LAMA4: variants seen among roughly 807,000 people sequenced by gnomAD.
LAMA4 encodes the protein laminin subunit alpha-4.
LAMA4 carries 127 observed loss-of-function variants against 207.1 expected under a neutral mutation model. That is an observed-to-expected ratio of 0.61 (90% CI 0.53 to 0.71). The LOEUF (loss-of-function observed/expected upper bound fraction) is 0.71, where lower values mean the gene tolerates loss of function less well. Among genes scored for constraint, LAMA4 ranks in the 30% least tolerant of loss-of-function variants. The probability of loss-of-function intolerance (pLI) is 0.00; values close to 1 mark genes in which losing one functional copy is unlikely to be tolerated. For synonymous variants in LAMA4, 761 were observed against 816.0 expected (o/e 0.93, Z 1.15); for missense variants, 2,093 against 2,246.5 (o/e 0.93, Z 1.38).
chr6:112,170,775 A>T (rs150682831), intron 12 of LAMA4, among the ~76,000 whole-genome samples: 1 of 152,348 alleles, frequency 6.6e-6, no homozygotes, highest in Non-Finnish European at 1.5e-5. Flanking sequence ...GCAGATGATC[A>T]CAATTCAGAA....
chr6:112,158,825 T>C lies in LAMA4; in HGVS notation c.1724A>G (p.Lys575Arg), dbSNP rs1780879775. Residue 575 changes from lysine (K) to arginine (R), a missense_variant, in exon 14 of 39, where the codon AAA becomes AGA. Lys to Arg is a conservative substitution (Grantham distance 26). Coordinates refer to ENST00000230538, the MANE Select transcript of LAMA4 (RefSeq NM_001105206.3). ...GCTGAGGTTACTTAGGTTAGATAGT[T>C]TTACTTGTAGTTCACTTTTGGCTCC... ...IDGAKSELQV[K>R]LSNLSNLSHD... 1 of 1,613,304 alleles carries C rather than the reference T, an allele frequency of 6.2e-7. No homozygotes were observed.
chr6:112,239,543 A>G (rs954604616), intron 2 of LAMA4, among the ~76,000 whole-genome samples: 2 of 152,150 alleles, frequency 1.3e-5, no homozygotes, highest in Admixed American at 6.5e-5. Flanking sequence ...ACATTCCCCC[A>G]TTCAGGTTAC....
At position 112,147,737 on chromosome 6, in the gene LAMA4, C is replaced by T. The variant is rs1210369062; in HGVS notation, c.2353+420G>A. Among the ~76,000 whole-genome samples, 3 of 152,166 alleles carry T rather than the reference C, an allele frequency of 2.0e-5. No individual in the cohort carries two copies. The East Asian group carries it at 5.8e-4, about 29-fold the overall frequency. ...GTACTTGTTGGTAATAACCTAATTA[C>T]TCAGATAAAGAAAAAGCAATGTTGC... On this transcript the variant is annotated intron_variant, in intron 18 of 38. Coordinates refer to ENST00000230538, the MANE Select transcript of LAMA4 (RefSeq NM_001105206.3).
intron 6 of LAMA4, among the ~76,000 whole-genome samples, chr6:112,191,173 G>A (rs1554348900): frequency 6.6e-6 from 1 of 151,762 alleles, no homozygotes; most frequent in Non-Finnish European, 1.5e-5. Context: ...GTAGAGACAA[G>A]GTTTTGCCAT....
At chr6:112,237,774 A>G (rs1325178031) in intron 2 of LAMA4, among the ~76,000 whole-genome samples, 46 of 152,222 alleles carry the variant, frequency 3.0e-4, no homozygotes, top group Admixed American at 3.0e-3. Flanking sequence ...TGATCCCAGC[A>G]TCTGTTCTCT....
At chr6:112,227,358 C>T (rs1448654411) in intron 2 of LAMA4, among the ~76,000 whole-genome samples, 2 of 152,026 alleles carry the variant, frequency 1.3e-5, no homozygotes, top group African/African-American at 2.4e-5. Context: ...GGTGAACCAC[C>T]GTGCCCCGCC....
At chr6:112,207,684 G>C (rs1365657137) in intron 3 of LAMA4, among the ~76,000 whole-genome samples, 1 of 152,062 alleles carries the variant, frequency 6.6e-6, no homozygotes, top group Non-Finnish European at 1.5e-5. Context: ...TTGGTATCTT[G>C]GATAGTGACA....
chr6:112,144,555 A>T (rs1779899649), intron 19 of LAMA4, among the ~76,000 whole-genome samples: 1 of 152,230 alleles, frequency 6.6e-6, no homozygotes, highest in South Asian at 2.1e-4. Flanking sequence ...GCTTTAAAGA[A>T]CATACAGGTA....
chr6:112,139,752 C>A lies in LAMA4; in HGVS notation c.3110G>T (p.Arg1037Leu), dbSNP rs201939337. The A allele has an allele frequency of 1.9e-6, 3 of 1,613,634 alleles. No individual in the cohort carries two copies. The highest frequency in any genetic ancestry group is 2.5e-6 in the Non-Finnish European group (3 of 1,179,716). The change falls in exon 23 of 39, where the codon CGA becomes CTA. Residue 1037 changes from arginine to leucine, a missense_variant and splice_region_variant. Physicochemically the swap from Arg to Leu is moderately radical, Grantham distance 102. Around this residue, in one of 3 missense-constraint regions of LAMA4, gnomAD observed 1,704 missense variants for 1,788.4 expected, o/e 0.95. Coordinates refer to ENST00000230538, the MANE Select transcript of LAMA4 (RefSeq NM_001105206.3). ...TTTAGTACTCTTAACTGTCTCTTAC[C>A]GGGCACATGGCACTGATGTGGAGGG... Reference protein sequence around the residue: ...MDPSTSVPCARDKLAFTQSRA... With the variant: ...MDPSTSVPCALDKLAFTQSRA...
At chr6:112,181,833 TC>T (rs1554345333) in intron 9 of LAMA4, among the ~76,000 whole-genome samples, 1 of 152,166 alleles carries the variant, frequency 6.6e-6, no homozygotes, top group East Asian at 1.9e-4. Context: ...GCGCGGTGGC[TC>T]ACGCCTGTAA....
rs1554328676 is a variant in LAMA4 at position 112,129,075 on chromosome 6, C to T, written c.4134G>A (p.Arg1378=). Residue 1378 remains arginine, a splice_region_variant and synonymous_variant, in exon 31 of 39, where the codon AGG becomes AGA. Transcript: ENST00000230538. ...TGCISNAYFT[R]VDRDVEVEDF... ...CTTCAACCTCCACATCTCTATCCAC[C>T]CTGTGTTTGTAACAGAGGAAAAAAT... 1 of 1,609,776 alleles carries T rather than the reference C, an allele frequency of 6.2e-7. No individual in the cohort carries two copies. Among genetic ancestry groups the T allele is most frequent in the Admixed American group, 1.7e-5 (1 of 59,956 alleles).
At chr6:112,223,040 G>T (rs922198224) in intron 2 of LAMA4, among the ~76,000 whole-genome samples, 12 of 151,984 alleles carry the variant, frequency 7.9e-5, no homozygotes, top group Admixed American at 2.0e-4. Flanking sequence ...TTTTCCTTTG[G>T]TTTTTCTAGA....
chr6:112,211,178 T>C (rs1784337754), intron 3 of LAMA4, among the ~76,000 whole-genome samples: 1 of 152,140 alleles, frequency 6.6e-6, no homozygotes, highest in South Asian at 2.1e-4. Flanking sequence ...ATATCATCCA[T>C]GCAGCTGGTC....
intron 38 of LAMA4, among the ~76,000 whole-genome samples, chr6:112,113,077 TAGAA>T (rs1777800854): frequency 6.6e-6 from 1 of 152,074 alleles, no homozygotes; most frequent in African/African-American, 2.4e-5. Flanking sequence ...TACAGTTAGA[TAGAA>T]GGAATAATTT....
At chr6:112,211,763 C>T (rs1245714430) in intron 3 of LAMA4, among the ~76,000 whole-genome samples, 1 of 152,182 alleles carries the variant, frequency 6.6e-6, no homozygotes, top group African/African-American at 2.4e-5. Context: ...AGTTCAGGCA[C>T]AAGAGAGTGA....
intron 11 of LAMA4, among the ~76,000 whole-genome samples, 158 bp downstream of exon 11, chr6:112,175,155 C>G (rs1461658914): frequency 6.6e-6 from 1 of 152,114 alleles, no homozygotes; most frequent in Non-Finnish European, 1.5e-5. Flanking sequence ...GTCAAGTTGT[C>G]CTGAATGATT....
intron 2 of LAMA4, chr6:112,234,575 C>T (rs1188891216): frequency 6.7e-6 from 1 of 149,176 alleles, no homozygotes; most frequent in African/African-American, 2.5e-5. Context: ...CTTGTGTTAG[C>T]AGATTAAAAA....
rs144541357 is a variant in LAMA4, at chr6:112,133,361, T to C, written c.3684A>G (p.Pro1228=). ...TETLGVGYGC[P]EDSLISRRAY... is the part of the protein sequence containing the mutation. ...GAGTGGTTCTTACAAGTGAGTCTTC[T>C]GGGCATCCATAACCAACTCCCAGGG... The change falls in exon 27 of 39, where the codon CCA becomes CCG. Residue 1228 remains proline, a synonymous_variant. Coordinates refer to ENST00000230538, the MANE Select transcript of LAMA4 (RefSeq NM_001105206.3). 40 of 1,613,680 alleles carry C rather than the reference T, an allele frequency of 2.5e-5. No homozygotes were observed. The highest frequency in any genetic ancestry group is 2.8e-5 in the Non-Finnish European group (33 of 1,179,728).
intron 10 of LAMA4, among the ~76,000 whole-genome samples, chr6:112,176,004 G>A (rs142134942): frequency 6.6e-6 from 1 of 152,222 alleles, no homozygotes; most frequent in Non-Finnish European, 1.5e-5. Context: ...AGAGCATATT[G>A]ATAGCTGTCC....
Sources: allele counts gnomAD v4.1 joint callset (sites outside exome capture counted in the v4.1 genomes callset), GRCh38; gene constraint gnomAD v4.1.1; regional missense constraint gnomAD v4.1.1; transcripts MANE v1.5; gene names NCBI Gene and HGNC (gene_info 2026-07-23, HGNC 2026-07-21).